The following TUSC3 variants were observed in gnomAD, a reference collection of about 807,000 sequenced individuals.
TUSC3 encodes the protein tumor suppressor candidate 3.
Under a neutral mutation model 44.8 loss-of-function variants are expected in TUSC3, and 45 were observed. The observed-to-expected ratio is 1.00, with a 90% confidence interval of 0.79 to 1.29. TUSC3 has a LOEUF of 1.29. Ranked by LOEUF, TUSC3 falls within the 50% of genes most tolerant of loss-of-function variation. The pLI is 0.00. For missense variants in TUSC3, 519 were observed against 437.9 expected (o/e 1.19, Z -1.65); for synonymous variants, 212 against 152.9 (o/e 1.39, Z -2.85).
chr8:15,701,697 G>A (rs1809414961), intron 6 of TUSC3, among the ~76,000 whole-genome samples: 1 of 152,118 alleles, frequency 6.6e-6, no homozygotes, highest in Admixed American at 6.6e-5. Flanking sequence ...ATATTTATAG[G>A]GCTTTGGGAT....
At chr8:15,842,585 T>C in the TUSC3 span, among the ~76,000 whole-genome samples, 16 of 152,300 alleles carry the variant, frequency 1.1e-4, no homozygotes, top group South Asian at 2.5e-3. Context: ...AGATATTTCC[T>C]GTGCATGCAA....
intron 6 of TUSC3, among the ~76,000 whole-genome samples, chr8:15,674,220 G>A (rs1192312241): frequency 6.6e-6 from 1 of 151,978 alleles, no homozygotes; most frequent in Non-Finnish European, 1.5e-5. Context: ...AAGGGATTAA[G>A]ACATTATTAA....
chr8:15,504,120 A>C (rs920129556), intron 2 of TUSC3, among the ~76,000 whole-genome samples: 1 of 152,180 alleles, frequency 6.6e-6, no homozygotes, highest in Non-Finnish European at 1.5e-5. Context: ...GCTTCCAGCA[A>C]AAGAAAGCCA....
At chr8:15,711,867 T>C (rs10102177) in intron 6 of TUSC3, among the ~76,000 whole-genome samples, 1 of 151,522 alleles carries the variant, frequency 6.6e-6, no homozygotes, top group Admixed American at 6.6e-5. Context: ...TATAGCTTCC[T>C]CCTCCCTGCC....
chr8:15,832,085 C>T, the TUSC3 span, among the ~76,000 whole-genome samples: 5 of 152,146 alleles, frequency 3.3e-5, no homozygotes, highest in African/African-American at 9.7e-5. Context: ...ATCAGACTAA[C>T]AGTGGATTGC....
At chr8:15,755,812 T>G (rs1295231662) in intron 9 of TUSC3, among the ~76,000 whole-genome samples, 1 of 152,154 alleles carries the variant, frequency 6.6e-6, no homozygotes, top group Non-Finnish European at 1.5e-5. Flanking sequence ...ATTCATTTTA[T>G]ATATTACATG....
intron 1 of TUSC3, among the ~76,000 whole-genome samples, chr8:15,439,637 A>C (rs138380779): frequency 6.0e-4 from 91 of 152,348 alleles, no homozygotes; most frequent in African/African-American, 2.1e-3. Context: ...TAACAAAGTT[A>C]GATTCTTTTG....
chr8:15,746,688 G>T (rs555200131), intron 8 of TUSC3, among the ~76,000 whole-genome samples: 1 of 151,760 alleles, frequency 6.6e-6, no homozygotes, highest in South Asian at 2.1e-4. Context: ...AACCCAATGG[G>T]GCTACTAAAA....
At chr8:15,712,536 A>C (rs955124597) in intron 6 of TUSC3, among the ~76,000 whole-genome samples, 1 of 151,756 alleles carries the variant, frequency 6.6e-6, no homozygotes, top group Non-Finnish European at 1.5e-5. Context: ...TTATGTTCCT[A>C]TTTCCATCAC....
chr8:15,452,048 C>G lies in TUSC3; in HGVS notation n.92-31338C>G, dbSNP rs76913030. Among the ~76,000 whole-genome samples, 407 of 152,294 alleles carry G rather than the reference C, an allele frequency of 2.7e-3. 3 individuals carry two copies. In the East Asian group the frequency reaches 0.045, roughly 17 times the overall value. ...AAGTAAAACATGAAACCACTCAGCA[C>G]CATCCCCACTGCCTGGCTCCCTCCA... is the stretch of plus-strand genomic sequence containing the variant. On this transcript the variant is annotated intron_variant and non_coding_transcript_variant, in intron 1 of 5. Transcript: ENST00000503191.
the TUSC3 span, among the ~76,000 whole-genome samples, chr8:15,805,685 T>C: frequency 2.0e-5 from 3 of 152,184 alleles, no homozygotes; most frequent in Admixed American, 6.5e-5. Flanking sequence ...TACTTGATCA[T>C]GGTAAATTAA....
At chr8:15,444,500 G>A (rs756359368) in intron 1 of TUSC3, among the ~76,000 whole-genome samples, 1 of 152,138 alleles carries the variant, frequency 6.6e-6, no homozygotes, top group Non-Finnish European at 1.5e-5. Context: ...GGCAGACCAG[G>A]GTAATGAGAC....
intron 2 of TUSC3, among the ~76,000 whole-genome samples, chr8:15,627,055 A>T (rs1306678081): frequency 6.6e-6 from 1 of 152,192 alleles, no homozygotes; most frequent in Non-Finnish European, 1.5e-5. Context: ...CCCATGCACC[A>T]GTCAGCGCAC....
At chr8:15,495,857 A>C (rs1800873771) in intron 2 of TUSC3, among the ~76,000 whole-genome samples, 1 of 152,174 alleles carries the variant, frequency 6.6e-6, no homozygotes, top group Non-Finnish European at 1.5e-5. Context: ...TGATAGTACA[A>C]ATGGAGTAGT....
At position 15,559,670 on chromosome 8, in the gene TUSC3, T is replaced by C. The variant is rs1185669912; in HGVS notation, c.138+19102T>C. On this transcript the variant is annotated intron_variant, in intron 1 of 10. Transcript: ENST00000503731. ...TTTGTAGGTCACTCAGGACTTGCTT[T>C]ATGAATCTTGGTGCTCCTGTATTGG... Among the ~76,000 whole-genome samples, 2 of 136,724 alleles carry C rather than the reference T, an allele frequency of 1.5e-5. 1 individual carries two copies. The highest frequency in any genetic ancestry group is 5.4e-5 in the African/African-American group (2 of 37,214). 89.7% of individuals were successfully genotyped at this position (136,724 alleles called of 152,430 possible).
At chr8:15,640,400 T>A (rs2129171512) in intron 2 of TUSC3, among the ~76,000 whole-genome samples, 1 of 152,322 alleles carries the variant, frequency 6.6e-6, no homozygotes. Flanking sequence ...CAACCATGAA[T>A]GTGACCATGT....
At chr8:15,593,352 C>T (rs1803933862) in intron 1 of TUSC3, among the ~76,000 whole-genome samples, 2 of 152,164 alleles carry the variant, frequency 1.3e-5, no homozygotes, top group South Asian at 2.1e-4. Flanking sequence ...TCCCAAAGTG[C>T]TGGGATTACA....
At chr8:15,830,959 T>A in the TUSC3 span, among the ~76,000 whole-genome samples, 7 of 151,822 alleles carry the variant, frequency 4.6e-5, no homozygotes, top group Non-Finnish European at 1.0e-4. Context: ...CTTGCCACGC[T>A]GTCACTGCCA....
chr8:15,623,523 C>G (rs1805346320), intron 2 of TUSC3, among the ~76,000 whole-genome samples: 1 of 151,788 alleles, frequency 6.6e-6, no homozygotes, highest in Non-Finnish European at 1.5e-5. Flanking sequence ...CCTTGTAGGT[C>G]ACTCAGTTAT....
Sources: gnomAD v4.1 joint callset for allele counts (sites outside exome capture counted in the v4.1 genomes callset) on GRCh38, gnomAD v4.1.1 for gene constraint, MANE v1.5 for transcripts, NCBI Gene and HGNC (gene_info 2026-07-23, HGNC 2026-07-21) for gene names.